Variants in CYP4Z1 observed in about 807,000 individuals in gnomAD.
CYP4Z1 encodes the protein cytochrome P450 family 4 subfamily Z member 1.
Under a neutral mutation model 54.2 loss-of-function variants are expected in CYP4Z1, and 41 were observed. The observed-to-expected ratio is 0.76, with a 90% confidence interval of 0.59 to 0.98. The LOEUF (loss-of-function observed/expected upper bound fraction) is 0.98, where lower values mean the gene tolerates loss of function less well. Among genes scored for constraint, CYP4Z1 ranks in the 50% least tolerant of loss-of-function variants. CYP4Z1 has a pLI of 0.00. For synonymous variants in CYP4Z1, 163 were observed against 206.2 expected (o/e 0.79, Z 1.79); for missense variants, 513 against 599.0 (o/e 0.86, Z 1.50).
At chr1:47,070,082 C>T (rs1406123527) in intron 2 of CYP4Z1, among the ~76,000 whole-genome samples, 1 of 115,064 alleles carries the variant, frequency 8.7e-6, no homozygotes, top group Admixed American at 8.7e-5. Flanking sequence ...ACTGCAGAAG[C>T]ACGGTGGCCA....
At chr1:47,063,185 G>C (rs1467095148), upstream of CYP4Z1, among the ~76,000 whole-genome samples, 1 of 152,102 alleles carries the variant, frequency 6.6e-6, no homozygotes, top group African/African-American at 2.4e-5. Context: ...CTAGGGGAAG[G>C]GGGAGAACAT....
intron 6 of CYP4Z1, among the ~76,000 whole-genome samples, chr1:47,085,618 A>G (rs920190234): frequency 6.6e-6 from 1 of 152,058 alleles, no homozygotes; most frequent in African/African-American, 2.4e-5. Context: ...TTTTGATAGT[A>G]TATTATTCCA....
the CYP4Z1 span, among the ~76,000 whole-genome samples, chr1:47,057,058 C>T: frequency 6.6e-6 from 1 of 151,668 alleles, no homozygotes; most frequent in Non-Finnish European, 1.5e-5. Flanking sequence ...TAGCTGGTGC[C>T]AGTTGTTCCT....
intron 8 of CYP4Z1, among the ~76,000 whole-genome samples, chr1:47,105,794 A>T (rs1391034534): frequency 1.3e-5 from 2 of 152,184 alleles, no homozygotes; most frequent in African/African-American, 4.8e-5. Flanking sequence ...ATACTTATTC[A>T]TTCATAGAAG....
chr1:47,097,688 C>G (rs1271349781), intron 7 of CYP4Z1, among the ~76,000 whole-genome samples: 1 of 152,032 alleles, frequency 6.6e-6, no homozygotes, highest in Non-Finnish European at 1.5e-5. Context: ...TGTACCAGTA[C>G]CATGCTTTTT....
rs902479750 is a variant in CYP4Z1 at position 47,099,011 on chromosome 1, C to A, written c.877-83C>A. The stretch of plus-strand genomic sequence containing the variant: ...TAATTTTGAATTTTACAACATTAAT[C>A]TTTTTGTATTATCATTGCTACAATT... On this transcript the variant is annotated intron_variant, in intron 7 of 11. Coordinates refer to ENST00000334194, the MANE Select transcript of CYP4Z1 (RefSeq NM_178134.3). The A allele has an allele frequency of 1.6e-5, 24 of 1,484,114 alleles. No individual in the cohort carries two copies. In the African/African-American group the frequency reaches 2.0e-4, roughly 12 times the overall value. 91.9% of individuals were successfully genotyped at this position (1,484,114 alleles called of 1,614,324 possible). A position where few individuals can be genotyped will look rare whatever the true frequency, so the allele number is the denominator to read the frequency against.
intron 6 of CYP4Z1, among the ~76,000 whole-genome samples, chr1:47,094,170 T>C (rs1197943987): frequency 1.3e-5 from 2 of 152,164 alleles, no homozygotes; most frequent in Admixed American, 6.5e-5. Flanking sequence ...TGACATCTCA[T>C]CTTTTTCTTT....
intron 7 of CYP4Z1, 57 bp from the exon 8 acceptor site, chr1:47,099,037 G>A: frequency 1.9e-6 from 3 of 1,570,332 alleles, no homozygotes; most frequent in Non-Finnish European, 1.8e-6. Context: ...TGCTACAATT[G>A]AAAAAGATAA....
At chr1:47,059,089 T>C in the CYP4Z1 span, among the ~76,000 whole-genome samples, 3 of 152,272 alleles carry the variant, frequency 2.0e-5, no homozygotes, top group Admixed American at 2.0e-4. Context: ...AAACTTTAAA[T>C]AGAACAATTT....
chr1:47,089,469 T>C (rs1222224243), intron 6 of CYP4Z1, among the ~76,000 whole-genome samples: 1 of 152,058 alleles, frequency 6.6e-6, no homozygotes, highest in Non-Finnish European at 1.5e-5. Flanking sequence ...GGGGGAAATG[T>C]ATGCTTTTCT....
chr1:47,061,913 G>A, the CYP4Z1 span, among the ~76,000 whole-genome samples: 2 of 152,072 alleles, frequency 1.3e-5, no homozygotes, highest in African/African-American at 2.4e-5. Context: ...ATCACATAAG[G>A]AGAACTAAGT....
chr1:47,085,122 G>A, intron 6 of CYP4Z1, 144 bp downstream of exon 6: 1 of 629,334 alleles, frequency 1.6e-6, no homozygotes, highest in South Asian at 2.1e-5. Flanking sequence ...TTAAATGAAT[G>A]TGCTACATAA....
chr1:47,094,068 G>A (rs186765938), intron 6 of CYP4Z1, among the ~76,000 whole-genome samples: 7 of 152,264 alleles, frequency 4.6e-5, no homozygotes, highest in Admixed American at 3.9e-4. Context: ...AGTGGTGAGA[G>A]TAGGCTTCCT....
chr1:47,089,700 C>A (rs1308789369), intron 6 of CYP4Z1, among the ~76,000 whole-genome samples: 11 of 152,176 alleles, frequency 7.2e-5, no homozygotes, highest in Non-Finnish European at 1.2e-4. Context: ...CAATCAAACT[C>A]CAAACAGTGC....
At chr1:47,055,841 T>C in the CYP4Z1 span, among the ~76,000 whole-genome samples, 1 of 152,188 alleles carries the variant, frequency 6.6e-6, no homozygotes, top group African/African-American at 2.4e-5. Context: ...TAGCGGTCTA[T>C]CAATTTTGTT....
chr1:47,112,647 A>T (rs1569760879), intron 9 of CYP4Z1, among the ~76,000 whole-genome samples: 1 of 152,118 alleles, frequency 6.6e-6, no homozygotes, highest in Non-Finnish European at 1.5e-5. Context: ...TTGGCTGGGC[A>T]GGTGGCTCAT....
the CYP4Z1 span, among the ~76,000 whole-genome samples, chr1:47,057,920 A>T: frequency 6.6e-6 from 1 of 151,890 alleles, no homozygotes; most frequent in African/African-American, 2.4e-5. Flanking sequence ...AAGACTTTGG[A>T]TTCTAGTTTT....
rs1190916823 is a variant in CYP4Z1 at position 47,099,184 on chromosome 1, A to G, written c.967A>G (p.Ile323Val). ...AGGACATGACACCACATCCAGTGCT[A>G]TCTCCTGGATCCTTTACTGCTTGGC... ...FAGHDTTSSA[I>V]SWILYCLAKY... The change falls in exon 8 of 12, where the codon ATC (isoleucine) becomes GTC (valine). Residue 323 changes from isoleucine (I) to valine (V), a missense_variant. Coordinates refer to ENST00000334194, the MANE Select transcript of CYP4Z1 (RefSeq NM_178134.3). 1.9e-6 allele frequency: 3 copies of G among 1,613,890 alleles called. No homozygotes were observed. The highest frequency in any genetic ancestry group is 4.5e-5 in the East Asian group (2 of 44,866).
rs542400193 is a variant in CYP4Z1 at position 47,114,105 on chromosome 1, T to C, written c.1202-1424T>C. Among the ~76,000 whole-genome samples the C allele has an allele frequency of 1.4e-3, 216 of 151,792 alleles. 2 individuals are homozygous for C. The highest frequency in any genetic ancestry group is 2.0e-3 in the Non-Finnish European group (136 of 67,962). ...ACTGGTACCAAAACAGAGATATAGA[T>C]CAATGGAACAGAACAGAGCCCTCAG... On this transcript the variant is annotated intron_variant, in intron 9 of 11. Transcript: ENST00000334194.
Sources: gnomAD v4.1 joint callset for allele counts (sites outside exome capture counted in the v4.1 genomes callset) on GRCh38, gnomAD v4.1.1 for gene constraint, MANE v1.5 for transcripts, NCBI Gene and HGNC (gene_info 2026-07-23, HGNC 2026-07-21) for gene names.